Variants in SLCO4A1 observed in about 807,000 individuals in gnomAD.
The protein encoded by SLCO4A1 is colon organic anion transporter.
SLCO4A1 carries 51 observed loss-of-function variants against 64.6 expected under a neutral mutation model. The observed-to-expected ratio is 0.79, with a 90% CI of 0.63 to 1.00. The LOEUF (loss-of-function observed/expected upper bound fraction) is 1.00. Ranked by LOEUF, SLCO4A1 falls within the 50% of genes least tolerant of loss-of-function variation. SLCO4A1 has a pLI of 0.00. For synonymous variants in SLCO4A1, 471 were observed against 444.9 expected (o/e 1.06, Z -0.74); for missense variants, 919 against 980.5 (o/e 0.94, Z 0.84).
rs1984783730 is a variant in SLCO4A1, at chr20:62,661,300, C to G, written c.1121+125C>G. On this transcript the variant is annotated intron_variant, in intron 5 of 11. Transcript: ENST00000217159. The surrounding 1 kb of genome is among the most constrained non-coding windows in gnomAD (Gnocchi z 5.2). ...CGCAGCCCCTAACCTCTGTCGTGAC[C>G]CTGGGCCAAGAGATTAAGGAGCAAC... is the stretch of plus-strand genomic sequence containing the variant. The G allele has an allele frequency of 1.4e-6, 1 of 690,966 alleles. No individual in the cohort carries two copies. The highest frequency in any genetic ancestry group is 2.3e-5 in the Admixed American group (1 of 43,888). The allele number at this position is 690,966 out of a possible 1,614,324, so 42.8% of individuals were successfully genotyped here. A position where few individuals can be genotyped will look rare whatever the true frequency, so the allele number is the denominator to read the frequency against.
intron 2 of SLCO4A1, among the ~76,000 whole-genome samples, chr20:62,682,375 T>C (rs999542377): frequency 6.6e-6 from 1 of 152,184 alleles, no homozygotes; most frequent in Non-Finnish European, 1.5e-5. Flanking sequence ...GGGAGAATTG[T>C]GAATTGCCGG....
intron 2 of SLCO4A1, among the ~76,000 whole-genome samples, chr20:62,680,191 T>C (rs1351425856): frequency 6.6e-6 from 1 of 152,206 alleles, no homozygotes; most frequent in East Asian, 1.9e-4. Context: ...TGCTGGTGTA[T>C]AGAGATGACG....
At chr20:62,654,834 C>T (rs148899189) in intron 1 of SLCO4A1, among the ~76,000 whole-genome samples, 358 of 152,284 alleles carry the variant, frequency 2.4e-3, no homozygotes, top group African/African-American at 8.4e-3. Context: ...ACAACAGAAA[C>T]GGGCCCTCTC....
At chr20:62,672,464 G>A (rs1008548680), downstream of SLCO4A1, 8 of 179,346 alleles carry the variant, frequency 4.5e-5, no homozygotes, top group Non-Finnish European at 7.8e-5. Context: ...AGGCTCCCCT[G>A]CTGAGGATTC....
chr20:62,685,578 T>C lies in SLCO4A1; in HGVS notation n.349T>C, dbSNP rs921252018. 3 of 394,790 alleles carry C rather than the reference T, an allele frequency of 7.6e-6. No individual in the cohort carries two copies. Among genetic ancestry groups the C allele is most frequent in the African/African-American group, 6.6e-5 (3 of 45,800 alleles). 24.5% of individuals were successfully genotyped at this position (394,790 alleles called of 1,614,324 possible). On this transcript the variant is annotated non_coding_transcript_exon_variant, in exon 3 of 3. Coordinates refer to the SLCO4A1 transcript ENST00000466818. The surrounding 1 kb of genome is among the most constrained non-coding windows in gnomAD (Gnocchi z 4.6). ...ACAACGTCTTCCAGAGCAGGCTTTC[T>C]CTAGAGGGTGGACTGCCTGTGTTCT...
At chr20:62,682,288 C>T (rs1987870232) in intron 2 of SLCO4A1, among the ~76,000 whole-genome samples, 1 of 152,188 alleles carries the variant, frequency 6.6e-6, no homozygotes. Context: ...AGACTCTGGG[C>T]TTGAGTCAGA....
downstream of SLCO4A1, among the ~76,000 whole-genome samples, chr20:62,673,399 GAGGTGGGTGGAGCT>G (rs1432974518): frequency 2.8e-5 from 4 of 143,518 alleles, no homozygotes; most frequent in Admixed American, 1.4e-4. Flanking sequence ...GGAGTCATCA[GAGGTGGGTGGAGCT>G]AGGGTCAGGA....
At chr20:62,643,142 A>C in intron 1 of SLCO4A1, 1 of 422,232 alleles carries the variant, frequency 2.4e-6, no homozygotes. Context: ...GGCGGAGCGC[A>C]CAGGGCTAGT....
At chr20:62,658,822 AG>A in intron 3 of SLCO4A1, 55 bp downstream of exon 3, 1 of 1,440,080 alleles carries the variant, frequency 6.9e-7, no homozygotes. Flanking sequence ...TGTCTCTGGA[AG>A]GGGGTTCAGA....
intron 2 of SLCO4A1, among the ~76,000 whole-genome samples, chr20:62,683,766 G>A (rs966180506): frequency 2.5e-4 from 38 of 152,292 alleles, no homozygotes; most frequent in African/African-American, 8.4e-4. Flanking sequence ...TGCACTCTGC[G>A]GTGTTCGCAA....
chr20:62,667,913 G>A lies in SLCO4A1; in HGVS notation c.1638+3G>A, dbSNP rs760370532. ...AGACGAATGTGGACGGCCAGAAGGT[G>A]AGTGGAGCCGCTGCCTACCGCCCCT... On this transcript the variant is annotated splice_donor_region_variant and intron_variant, in intron 8 of 11. Coordinates refer to ENST00000217159, the MANE Select transcript of SLCO4A1 (RefSeq NM_016354.4). 6 of 1,613,886 alleles carry A rather than the reference G, an allele frequency of 3.7e-6. No individual in the cohort carries two copies. The African/African-American group carries it at 8.0e-5, about 22-fold the overall frequency.
In SLCO4A1 at chr20:62,666,552, C is replaced by T. The variant is rs573610600; in HGVS notation, c.1449C>T (p.Gly483=). 19 of 1,612,742 alleles carry T rather than the reference C, an allele frequency of 1.2e-5. No homozygotes were observed. Among genetic ancestry groups the T allele is most frequent in the South Asian group, 5.5e-5 (5 of 91,090 alleles). The change falls in exon 7 of 12, where the codon GGC becomes GGT. Residue 483 remains glycine (G), a synonymous_variant. Coordinates refer to ENST00000217159, the MANE Select transcript of SLCO4A1 (RefSeq NM_016354.4). ...ACTGCCCCAGTGTGCCCATGGCGGGCGTCACAGCCAGCTACGGCGGGAGGT... is the reference window on the plus strand; with the variant it reads ...ACTGCCCCAGTGTGCCCATGGCGGGTGTCACAGCCAGCTACGGCGGGAGGT... The part of the protein sequence containing the change: ...SLHCPSVPMA[G]VTASYGGSLL...
intron 2 of SLCO4A1, among the ~76,000 whole-genome samples, chr20:62,680,714 C>G (rs562729226): frequency 3.3e-5 from 5 of 152,196 alleles, no homozygotes; most frequent in South Asian, 2.1e-4. Flanking sequence ...CCCCCCACCC[C>G]CTGGGATACA....
chr20:62,657,985 G>T (rs1234228460), intron 2 of SLCO4A1, among the ~76,000 whole-genome samples: 2 of 152,016 alleles, frequency 1.3e-5, no homozygotes, highest in African/African-American at 2.4e-5. Flanking sequence ...GCTCCTGTTT[G>T]TTGAGATGTA....
Position 62,661,410 on chromosome 20 carries a change from C to T in SLCO4A1, c.1121+235C>T, listed in dbSNP as rs894635928. 2.6e-5 allele frequency among the ~76,000 whole-genome samples: 4 copies of T among 152,054 alleles called. No homozygotes were observed. The highest frequency in any genetic ancestry group is 1.3e-4 in the Admixed American group (2 of 15,280). ...GAGTCCCAGAGTGGGGCCGGGGCCTCGGCCCGCACCCAGGGAGCCATCACT... is the reference window on the plus strand; with the variant it reads ...GAGTCCCAGAGTGGGGCCGGGGCCTTGGCCCGCACCCAGGGAGCCATCACT... On this transcript the variant is annotated intron_variant, in intron 5 of 11. Transcript: ENST00000217159. The surrounding 1 kb of genome is among the most constrained non-coding windows in gnomAD (Gnocchi z 5.2).
At chr20:62,647,251 G>A (rs1981515826) in intron 1 of SLCO4A1, among the ~76,000 whole-genome samples, 1 of 152,242 alleles carries the variant, frequency 6.6e-6, no homozygotes, top group South Asian at 2.1e-4. Context: ...TGTCTTGGGG[G>A]GCTGGTGTGG....
rs200101841 is a variant in SLCO4A1 at position 62,681,537 on chromosome 20, C to T, written n.212-3904C>T. Reference sequence around the variant, plus strand: ...GTTTATTAAGCCGTGTGTACACACTCGTGTGTGTATTAAACCGTGTGTACA... The same window carrying T: ...GTTTATTAAGCCGTGTGTACACACTTGTGTGTGTATTAAACCGTGTGTACA... On this transcript the variant is annotated intron_variant and non_coding_transcript_variant, in intron 2 of 2. Transcript: ENST00000466818. Among the ~76,000 whole-genome samples, 26 of 146,138 alleles carry T rather than the reference C, an allele frequency of 1.8e-4. 1 individual carries two copies. The highest frequency in any genetic ancestry group is 4.7e-4 in the Admixed American group (7 of 14,758).
chr20:62,650,484 G>C (rs1210451307), intron 1 of SLCO4A1: 1 of 152,292 alleles, frequency 6.6e-6, no homozygotes, highest in Non-Finnish European at 1.5e-5. Flanking sequence ...GGGCTGCCGA[G>C]CTGCCCGCCT....
At chr20:62,652,388 G>A (rs1982715178) in intron 1 of SLCO4A1, among the ~76,000 whole-genome samples, 1 of 152,056 alleles carries the variant, frequency 6.6e-6, no homozygotes, top group Admixed American at 6.5e-5. Context: ...CCTCCTCCGG[G>A]CCTCTGAGGT....
Sources: gnomAD v4.1 joint callset for allele counts (sites outside exome capture counted in the v4.1 genomes callset) on GRCh38, gnomAD v4.1.1 for gene constraint, Gnocchi (gnomAD v3.1) non-coding constraint, MANE v1.5 for transcripts, NCBI Gene and HGNC (gene_info 2026-07-23, HGNC 2026-07-21) for gene names.